DLC1: variants seen among roughly 807,000 people sequenced by gnomAD.
The protein encoded by DLC1 is rho GTPase-activating protein 7.
A neutral mutation model predicts 140.3 loss-of-function variants in DLC1; 54 were observed. The observed-to-expected ratio is 0.38, with a 90% confidence interval of 0.31 to 0.48. The LOEUF (loss-of-function observed/expected upper bound fraction) is 0.48. Ranked by LOEUF, DLC1 falls within the 20% of genes least tolerant of loss-of-function variation. DLC1 has a pLI of 0.96. For missense variants in DLC1, 2,536 were observed against 1,907.0 expected (o/e 1.33, Z -6.14); for synonymous variants, 986 against 728.1 (o/e 1.35, Z -5.70).
chr8:13,596,728 G>T (rs1177915237), intron 1 of DLC1, among the ~76,000 whole-genome samples: 1 of 151,840 alleles, frequency 6.6e-6, no homozygotes, highest in Non-Finnish European at 1.5e-5. Flanking sequence ...TAAAACCCTG[G>T]CATATGGGCC....
chr8:13,295,541 T>A (rs1831911194), intron 5 of DLC1, among the ~76,000 whole-genome samples: 1 of 152,240 alleles, frequency 6.6e-6, no homozygotes, highest in Non-Finnish European at 1.5e-5. Context: ...AATAACTCTT[T>A]AAGGTTTCCT....
intron 3 of DLC1, among the ~76,000 whole-genome samples, chr8:13,395,733 C>G (rs1169532625): frequency 6.7e-6 from 1 of 148,612 alleles, no homozygotes; most frequent in East Asian, 2.0e-4. Flanking sequence ...ATGTTACACT[C>G]TTTAAATGTA....
At chr8:13,604,134 A>T (rs1805972778) in intron 1 of DLC1, among the ~76,000 whole-genome samples, 2 of 152,312 alleles carry the variant, frequency 1.3e-5, no homozygotes, top group South Asian at 4.1e-4. Context: ...AGGTAGAAAC[A>T]AAAGTAAAAT....
chr8:13,561,023 C>G (rs888737367), intron 1 of DLC1, among the ~76,000 whole-genome samples: 2 of 151,882 alleles, frequency 1.3e-5, no homozygotes, highest in Admixed American at 6.6e-5. Flanking sequence ...TTTGGAATGT[C>G]TAGGCTCAAA....
intron 5 of DLC1, among the ~76,000 whole-genome samples, chr8:13,130,071 C>T (rs34236960): frequency 0.014 from 2,179 of 152,296 alleles, 34 homozygotes; most frequent in Non-Finnish European, 0.017. Flanking sequence ...TGGATGCCCC[C>T]ACTCTTCTGG....
At chr8:13,484,069 G>A (rs945978272) in intron 2 of DLC1, among the ~76,000 whole-genome samples, 3 of 152,126 alleles carry the variant, frequency 2.0e-5, no homozygotes, top group African/African-American at 7.2e-5. Context: ...AACAGAGTGA[G>A]ACTCTGTCTC....
rs146624834 is a variant in DLC1, at chr8:13,110,932, C to G, written c.1421-109G>C. 6.0e-4 allele frequency: 557 copies of G among 932,102 alleles called. 1 individual carries two copies. The African/African-American group carries it at 8.3e-3, about 14-fold the overall frequency. The allele number at this position is 932,102 out of a possible 1,614,324, so 57.7% of individuals were successfully genotyped here. A position where few individuals can be genotyped will look rare whatever the true frequency, so the allele number is the denominator to read the frequency against. Reference sequence around the variant, plus strand: ...AACTCTTCAGCAATATACTAAGCACCTACTGTAGGACACCTCATTCCCCGT... The same window carrying G: ...AACTCTTCAGCAATATACTAAGCACGTACTGTAGGACACCTCATTCCCCGT... On this transcript the variant is annotated intron_variant, in intron 6 of 17. Coordinates refer to ENST00000276297, the MANE Select transcript of DLC1 (RefSeq NM_182643.3).
chr8:13,412,361 G>T (rs1038015207), intron 2 of DLC1, among the ~76,000 whole-genome samples: 16 of 152,196 alleles, frequency 1.1e-4, no homozygotes, highest in African/African-American at 3.9e-4. Flanking sequence ...GAAATTTAAA[G>T]TAGAACACAT....
chr8:13,531,010 A>T (rs906838263), intron 1 of DLC1, among the ~76,000 whole-genome samples: 4 of 152,148 alleles, frequency 2.6e-5, no homozygotes, highest in African/African-American at 7.2e-5. Flanking sequence ...GTTAGGAAAG[A>T]GTGACTCTCA....
intron 2 of DLC1, among the ~76,000 whole-genome samples, chr8:13,423,841 C>T (rs1404710702): frequency 6.6e-6 from 1 of 152,080 alleles, no homozygotes; most frequent in Non-Finnish European, 1.5e-5. Context: ...AAAGAAAAGG[C>T]TGAATATTTT....
At chr8:13,601,788 C>A (rs141723680) in intron 1 of DLC1, among the ~76,000 whole-genome samples, 1 of 151,668 alleles carries the variant, frequency 6.6e-6, no homozygotes. Flanking sequence ...CTAGAAAATG[C>A]AATCATATAT....
rs1426586462 is a variant in DLC1, at chr8:13,582,042, G to T, written c.-126+22495C>A. ...CTAGTCCCATGGGGTCTCTGCAAGA[G>T]AAGGGATTGGAGAAAAAACAAAGTC... On this transcript the variant is annotated intron_variant, in intron 1 of 1. Coordinates refer to the DLC1 transcript ENST00000631382. Among the ~76,000 whole-genome samples, 4 of 152,148 alleles carry T rather than the reference G, an allele frequency of 2.6e-5. No homozygotes were observed. The East Asian group carries it at 7.7e-4, about 29-fold the overall frequency.
At chr8:13,554,638 C>A (rs2117365775) in intron 1 of DLC1, among the ~76,000 whole-genome samples, 1 of 152,246 alleles carries the variant, frequency 6.6e-6, no homozygotes, top group South Asian at 2.1e-4. Context: ...TCTAAGAAAT[C>A]TTTCACCCTG....
At chr8:13,191,929 T>A (rs986699358) in intron 5 of DLC1, among the ~76,000 whole-genome samples, 3 of 127,372 alleles carry the variant, frequency 2.4e-5, no homozygotes, top group African/African-American at 9.9e-5. Flanking sequence ...GTGGCCTGAT[T>A]ATTATTATTA....
At chr8:13,302,711 C>CAA (rs376892685) in intron 5 of DLC1, among the ~76,000 whole-genome samples, 4,789 of 122,390 alleles carry the variant, frequency 0.039, 128 homozygotes, top group Middle Eastern at 0.087. Flanking sequence ...TAGAAAGATA[C>CAA]AAAAAAAAAA....
chr8:13,417,228 CTTTA>C (rs1438476576), intron 2 of DLC1, among the ~76,000 whole-genome samples: 1 of 151,868 alleles, frequency 6.6e-6, no homozygotes, highest in Non-Finnish European at 1.5e-5. Context: ...TATTATTATA[CTTTA>C]AGTTTTAGGA....
chr8:13,102,022 C>G (rs1819137042), intron 8 of DLC1, among the ~76,000 whole-genome samples: 1 of 152,168 alleles, frequency 6.6e-6, no homozygotes, highest in African/African-American at 2.4e-5. Context: ...TCAGTGGGCG[C>G]TGAGGTTCCA....
intron 1 of DLC1, among the ~76,000 whole-genome samples, chr8:13,596,099 A>G (rs1379882876): frequency 6.6e-6 from 1 of 152,064 alleles, no homozygotes; most frequent in Admixed American, 6.6e-5. Flanking sequence ...TTCTTTTGAG[A>G]TGAAAATGAT....
chr8:13,155,139 T>G (rs2128980665), intron 5 of DLC1, among the ~76,000 whole-genome samples: 1 of 152,220 alleles, frequency 6.6e-6, no homozygotes, highest in African/African-American at 2.4e-5. Context: ...CTGCTTTTTT[T>G]TTTTTTTAAA....
Sources: allele counts gnomAD v4.1 joint callset (sites outside exome capture counted in the v4.1 genomes callset), GRCh38; gene constraint gnomAD v4.1.1; transcripts MANE v1.5; gene names NCBI Gene and HGNC (gene_info 2026-07-23, HGNC 2026-07-21).